Variants in MAN2A1 observed in about 807,000 individuals in gnomAD.
MAN2A1 encodes mannosidase alpha class 2A member 1.
A neutral mutation model predicts 142.6 loss-of-function variants in MAN2A1; 76 were observed. The ratio of observed to expected loss-of-function variants is 0.53; its 90% CI spans 0.44 to 0.65. The LOEUF (loss-of-function observed/expected upper bound fraction) is 0.65. Ranked by LOEUF, MAN2A1 falls within the 30% of genes least tolerant of loss-of-function variation. The probability of loss-of-function intolerance (pLI) is 0.00; values close to 1 mark genes in which losing one functional copy is unlikely to be tolerated. For synonymous variants in MAN2A1, 559 were observed against 473.2 expected, an observed-to-expected ratio of 1.18 and a Z score of -2.35; for missense variants, 1,311 against 1,365.1, an observed-to-expected ratio of 0.96 and a Z score of 0.62.
chr5:109,781,714 CTAAT>C (rs1337501555), intron 9 of MAN2A1, 116 bp downstream of exon 9: 17 of 547,086 alleles, frequency 3.1e-5, no homozygotes, highest in East Asian at 3.0e-4. Flanking sequence ...GTGTTAAGCT[CTAAT>C]TAAGCACTTA....
chr5:109,869,551 T>G lies in MAN2A1; in HGVS notation c.*2553T>G, dbSNP rs1755960564. ...CTTGGAATCAACAGGTTTTGATATTTTCTCTTGGAAGATTTTATATCTTTT... is the reference window on the plus strand; with the variant it reads ...CTTGGAATCAACAGGTTTTGATATTGTCTCTTGGAAGATTTTATATCTTTT... On this transcript the variant is annotated 3_prime_UTR_variant, in exon 22 of 22. Transcript: ENST00000261483. 1 of 152,212 alleles carries G rather than the reference T, an allele frequency of 6.6e-6. No individual in the cohort carries two copies. Among genetic ancestry groups the G allele is most frequent in the South Asian group, 2.1e-4 (1 of 4,830 alleles). 9.4% of individuals were successfully genotyped at this position (152,212 alleles called of 1,614,324 possible). A position where few individuals can be genotyped will look rare whatever the true frequency, so the allele number is the denominator to read the frequency against.
In MAN2A1 at chr5:109,866,981, C is replaced by T. The variant is rs1357011740; in HGVS notation, c.3418C>T (p.Arg1140Ter). ...GAGTCCAATGGAAATCAGCACATTC[C>T]GAATCCAGTTGAGGTGAACCTGACT... ...NLSPMEISTF[R>*]IQLR The change falls in exon 22 of 22, where the codon CGA becomes TGA. Residue 1140 changes from arginine to a stop codon, truncating the protein, a stop_gained. Coordinates refer to ENST00000261483, the MANE Select transcript of MAN2A1 (RefSeq NM_002372.4). LOFTEE classifies it high-confidence loss of function. 1.2e-6 allele frequency: 2 copies of T among 1,609,076 alleles called. No individual in the cohort carries two copies. Among genetic ancestry groups the T allele is most frequent in the Non-Finnish European group, 1.7e-6 (2 of 1,177,804 alleles).
At chr5:109,811,488 G>A (rs943578594) in intron 12 of MAN2A1, among the ~76,000 whole-genome samples, 12 of 151,594 alleles carry the variant, frequency 7.9e-5, no homozygotes, top group Admixed American at 2.0e-4. Flanking sequence ...CATTTTCTGC[G>A]TATATTATAC....
chr5:109,713,263 A>T (rs1386400918), intron 1 of MAN2A1, among the ~76,000 whole-genome samples: 1 of 152,126 alleles, frequency 6.6e-6, no homozygotes, highest in East Asian at 1.9e-4. Context: ...TTCCCAAAAT[A>T]TTTTTGGTCT....
intron 1 of MAN2A1, among the ~76,000 whole-genome samples, chr5:109,702,347 G>C (rs12386477): frequency 6.6e-6 from 1 of 150,498 alleles, no homozygotes. Flanking sequence ...GTGTGTGTGT[G>C]TGTGTCTGTG....
intron 12 of MAN2A1, 77 bp from the exon 13 acceptor site, chr5:109,817,194 ATG>A: frequency 2.5e-6 from 3 of 1,212,468 alleles, no homozygotes; most frequent in African/African-American, 1.5e-5. Flanking sequence ...GTATATGTAT[ATG>A]TATATCTACA....
chr5:109,824,022 A>G (rs77852094), intron 16 of MAN2A1, among the ~76,000 whole-genome samples, 185 bp downstream of exon 16: 3,974 of 152,312 alleles, frequency 0.026, 72 homozygotes, highest in Non-Finnish European at 0.039. Context: ...AAACGTTTCA[A>G]TCCCTACATA....
chr5:109,711,426 A>G (rs1175802795), intron 1 of MAN2A1, among the ~76,000 whole-genome samples: 1 of 126,782 alleles, frequency 7.9e-6, no homozygotes, highest in Non-Finnish European at 1.6e-5. Context: ...TGTATTTAGG[A>G]AAATATATAC....
intron 13 of MAN2A1, among the ~76,000 whole-genome samples, chr5:109,819,131 A>C (rs1288834133): frequency 6.6e-6 from 1 of 152,208 alleles, no homozygotes; most frequent in Non-Finnish European, 1.5e-5. Flanking sequence ...GTATATAATA[A>C]ATTACATAAG....
At position 109,769,340 on chromosome 5, in the gene MAN2A1, A is replaced by G. The variant is rs189124802; in HGVS notation, c.1010-1015A>G. On this transcript the variant is annotated intron_variant, in intron 6 of 21. Transcript: ENST00000261483. ...GATAAATTTGAACATGTTGCTTTTT[A>G]AAAAATGTTTTCGAATTAAGTTGAG... 2.2e-4 allele frequency among the ~76,000 whole-genome samples: 34 copies of G among 152,354 alleles called. No individual in the cohort carries two copies. In the East Asian group the frequency reaches 4.8e-3, roughly 22 times the overall value.
rs1754666863 is a variant in MAN2A1 at position 109,822,952 on chromosome 5, CA to C, written c.2452-769del. On this transcript the variant is annotated intron_variant, in intron 15 of 21. Coordinates refer to ENST00000261483, the MANE Select transcript of MAN2A1 (RefSeq NM_002372.4). ...TCGGCCTCCCAAAGTGCTAGGGTTACAAGGCGTGAGCCACGGCGCCTGGCCG... is the reference window on the plus strand; with the variant it reads ...TCGGCCTCCCAAAGTGCTAGGGTTACAGGCGTGAGCCACGGCGCCTGGCCG... Among the ~76,000 whole-genome samples, 6 of 152,178 alleles carry C rather than the reference CA, an allele frequency of 3.9e-5. No homozygotes were observed. In the South Asian group the frequency reaches 1.2e-3, roughly 32 times the overall value.
chr5:109,746,396 AAAGT>A (rs1454239970), intron 4 of MAN2A1, among the ~76,000 whole-genome samples: 4 of 152,178 alleles, frequency 2.6e-5, no homozygotes, highest in African/African-American at 9.7e-5. Flanking sequence ...TACACAATGA[AAAGT>A]AAGGTACTCA....
chr5:109,858,903 T>C (rs2112777286), intron 20 of MAN2A1, among the ~76,000 whole-genome samples: 1 of 152,346 alleles, frequency 6.6e-6, no homozygotes, highest in South Asian at 2.1e-4. Flanking sequence ...GCTGCAGGTA[T>C]GACAACCCAC....
chr5:109,846,469 T>C (rs939551687), intron 18 of MAN2A1, among the ~76,000 whole-genome samples: 3 of 152,166 alleles, frequency 2.0e-5, no homozygotes, highest in Non-Finnish European at 4.4e-5. Flanking sequence ...GATAGAGATA[T>C]GGGGATAAAG....
chr5:109,800,102 AAAAAC>A (rs925613179), intron 12 of MAN2A1, among the ~76,000 whole-genome samples: 7 of 152,138 alleles, frequency 4.6e-5, no homozygotes, highest in African/African-American at 1.4e-4. Flanking sequence ...AAAAAAAAAA[AAAAAC>A]AACCTCAGAC....
intron 20 of MAN2A1, among the ~76,000 whole-genome samples, chr5:109,860,873 T>C (rs755815356): frequency 3.3e-5 from 5 of 152,240 alleles, no homozygotes; most frequent in Non-Finnish European, 5.9e-5. Flanking sequence ...TTATCTCTGC[T>C]GGAACCATCA....
chr5:109,786,241 A>T (rs1313504640), intron 10 of MAN2A1, among the ~76,000 whole-genome samples: 1 of 152,018 alleles, frequency 6.6e-6, no homozygotes, highest in Non-Finnish European at 1.5e-5. Context: ...GTAAGGTCAG[A>T]TCCTCCTTTT....
chr5:109,796,234 A>C (rs1753857864), intron 12 of MAN2A1, among the ~76,000 whole-genome samples: 1 of 152,146 alleles, frequency 6.6e-6, no homozygotes, highest in South Asian at 2.1e-4. Flanking sequence ...TTTTGAGTTT[A>C]AGTTCTTGCT....
At chr5:109,811,788 C>G (rs1177062455) in intron 12 of MAN2A1, among the ~76,000 whole-genome samples, 1 of 152,162 alleles carries the variant, frequency 6.6e-6, no homozygotes, top group Non-Finnish European at 1.5e-5. Context: ...TATAACTACA[C>G]ATACCATACA....
Sources: allele counts gnomAD v4.1 joint callset (sites outside exome capture counted in the v4.1 genomes callset), GRCh38; gene constraint gnomAD v4.1.1; transcripts MANE v1.5; gene names NCBI Gene and HGNC (gene_info 2026-07-23, HGNC 2026-07-21).